The following ATP11A variants were observed in gnomAD, a reference collection of about 807,000 sequenced individuals.
The protein encoded by ATP11A is ATPase phospholipid transporting 11A.
In ATP11A, 81 loss-of-function variants were observed where a neutral mutation model predicts 154.4. The observed-to-expected ratio is 0.52, with a 90% CI of 0.44 to 0.63. The LOEUF is 0.63. Among genes scored for constraint, ATP11A ranks in the 30% least tolerant of loss-of-function variants. The probability of loss-of-function intolerance (pLI) is 0.00; values close to 1 mark genes in which losing one functional copy is unlikely to be tolerated. For missense variants in ATP11A, 1,316 were observed against 1,474.3 expected (o/e 0.89, Z 1.76); for synonymous variants, 623 against 585.9 (o/e 1.06, Z -0.91).
chr13:112,862,678 G>C (rs911669287), intron 25 of ATP11A, 103 bp downstream of exon 25: 2 of 1,494,832 alleles, frequency 1.3e-6, no homozygotes, highest in East Asian at 2.3e-5. Context: ...AGCCCATGCA[G>C]CTTCCCAGCG....
intron 1 of ATP11A, among the ~76,000 whole-genome samples, chr13:112,758,952 A>T (rs977472457): frequency 6.6e-6 from 1 of 152,252 alleles, no homozygotes; most frequent in Non-Finnish European, 1.5e-5. Flanking sequence ...TTTTTACGTT[A>T]CATTTTCAGT....
intron 1 of ATP11A, among the ~76,000 whole-genome samples, chr13:112,784,779 T>C (rs2077581736): frequency 1.3e-5 from 2 of 152,184 alleles, no homozygotes; most frequent in Non-Finnish European, 2.9e-5. Flanking sequence ...CATCTCGGCC[T>C]CCCAAAGTGC....
intron 8 of ATP11A, among the ~76,000 whole-genome samples, chr13:112,821,177 A>G (rs2078787926): frequency 6.6e-6 from 1 of 152,232 alleles, no homozygotes; most frequent in Non-Finnish European, 1.5e-5. Context: ...TACCTATGGG[A>G]TGAATCCAAA....
chr13:112,791,105 T>G (rs2077841653), intron 2 of ATP11A, among the ~76,000 whole-genome samples: 1 of 152,172 alleles, frequency 6.6e-6, no homozygotes, highest in Non-Finnish European at 1.5e-5. Context: ...CAAGCTTATA[T>G]GTACTTCACC....
chr13:112,779,895 A>C (rs992052493), intron 1 of ATP11A, among the ~76,000 whole-genome samples: 3 of 151,710 alleles, frequency 2.0e-5, no homozygotes. Context: ...TGAGAGCAAA[A>C]CTCTGTCTCA....
At position 112,852,568 on chromosome 13, in the gene ATP11A, A is replaced by G. The variant is rs572013471; in HGVS notation, c.1991+1350A>G. On this transcript the variant is annotated intron_variant, in intron 18 of 29. Coordinates refer to ENST00000375645, the MANE Select transcript of ATP11A (RefSeq NM_015205.3). ...CTGCTGGGGGCTGCGTCCTTGCTCT[A>G]GTGGCCAGTCACTCACCTGCTGTCT... Among the ~76,000 whole-genome samples, 258 of 152,268 alleles carry G rather than the reference A, an allele frequency of 1.7e-3. 2 individuals carry two copies. Among genetic ancestry groups the G allele is most frequent in the Admixed American group, 3.5e-3 (54 of 15,306 alleles).
intron 1 of ATP11A, among the ~76,000 whole-genome samples, chr13:112,732,462 G>GTCTCTCTCCAGCTCCA (rs1433690819): frequency 6.6e-6 from 1 of 151,474 alleles, no homozygotes; most frequent in African/African-American, 2.4e-5. Context: ...CTCCAGCTCT[G>GTCTCTCTCCAGCTCCA]TCTCTCTCCA....
intron 1 of ATP11A, among the ~76,000 whole-genome samples, chr13:112,720,147 A>G (rs1421422691): frequency 6.6e-6 from 1 of 152,246 alleles, no homozygotes; most frequent in East Asian, 1.9e-4. Context: ...CTGGGGAAAC[A>G]GAGTCTGAGA....
In ATP11A at chr13:112,832,881, C is replaced by T. The variant is rs776838456; in HGVS notation, c.1417C>T (p.Arg473Trp). ...ATAGGAGCGCGAGGAGCTGTTTTTCCGGGCCCTCTGTCTCTGCCACACCGT... is the reference window on the plus strand; with the variant it reads ...ATAGGAGCGCGAGGAGCTGTTTTTCTGGGCCCTCTGTCTCTGCCACACCGT... ...NGREREELFFRALCLCHTVQV... is the reference protein window; with the variant it reads ...NGREREELFFWALCLCHTVQV... The change falls in exon 14 of 30, where the codon CGG becomes TGG. Residue 473 changes from arginine (R) to tryptophan (W), a missense_variant. Physicochemically the swap from Arg to Trp is moderately radical, Grantham distance 101. Transcript: ENST00000375645. The T allele has an allele frequency of 1.9e-5, 31 of 1,613,348 alleles. No individual in the cohort carries two copies. Among genetic ancestry groups the T allele is most frequent in the Non-Finnish European group, 2.5e-5 (29 of 1,179,586 alleles).
Position 112,690,472 on chromosome 13 carries a change from C to T in ATP11A, c.39+17C>T. 1 of 1,341,070 alleles carries T rather than the reference C, an allele frequency of 7.5e-7. No individual in the cohort carries two copies. The highest frequency in any genetic ancestry group is 9.6e-7 in the Non-Finnish European group (1 of 1,043,678). The allele number at this position is 1,341,070 out of a possible 1,614,324, so 83.1% of individuals were successfully genotyped here. On this transcript the variant is annotated intron_variant, in intron 1 of 29. Transcript: ENST00000375645. This position sits in a 1 kb window ranked among gnomAD's most constrained non-coding sequence, Gnocchi z 5.6. ...CACAGATACGTGAGTGCTCCCGGCG[C>T]GGGCTGGGGGACCCGGGGACCAGAC... is the stretch of plus-strand genomic sequence containing the variant.
Position 112,836,221 on chromosome 13 carries a change from A to G in ATP11A, c.1675A>G (p.Arg559Gly). 1 of 1,612,126 alleles carries G rather than the reference A, an allele frequency of 6.2e-7. No individual in the cohort carries two copies. The highest frequency in any genetic ancestry group is 8.5e-7 in the Non-Finnish European group (1 of 1,178,762). Residue 559 changes from arginine (R) to glycine (G), a missense_variant, in exon 16 of 30, where the codon AGA becomes GGA. By Grantham distance (125) the Arg-to-Gly change is moderately radical (BLOSUM62 -2). Transcript: ENST00000375645. ...TTTGAGTTTTGACTCAGTCAGAAGGAGAATGAGTGTAATTGTAAAATCTGC... is the reference window on the plus strand; with the variant it reads ...TTTGAGTTTTGACTCAGTCAGAAGGGGAATGAGTGTAATTGTAAAATCTGC... Reference protein sequence around the residue: ...EILSFDSVRRRMSVIVKSATG... With the variant: ...EILSFDSVRRGMSVIVKSATG...
intron 15 of ATP11A, among the ~76,000 whole-genome samples, chr13:112,835,478 G>A (rs1400842653): frequency 6.6e-6 from 1 of 152,218 alleles, no homozygotes. Context: ...AGCACCCTGG[G>A]CTTCCCGGGG....
chr13:112,709,150 A>G (rs1488910307), intron 1 of ATP11A, among the ~76,000 whole-genome samples: 1 of 152,148 alleles, frequency 6.6e-6, no homozygotes, highest in African/African-American at 2.4e-5. Flanking sequence ...CTTCAGGACT[A>G]AGCTCTGATT....
intron 14 of ATP11A, among the ~76,000 whole-genome samples, chr13:112,833,714 C>A (rs1017534081): frequency 6.6e-6 from 1 of 152,178 alleles, no homozygotes; most frequent in Admixed American, 6.5e-5. Context: ...AGCACAGATA[C>A]GTCAACAGTA....
chr13:112,779,101 G>T (rs2077427745), intron 1 of ATP11A, among the ~76,000 whole-genome samples: 1 of 127,112 alleles, frequency 7.9e-6, no homozygotes, highest in African/African-American at 3.0e-5. Context: ...AGTAGCCACT[G>T]GAGTGAGTAG....
At chr13:112,845,312 C>G (rs1418936117) in intron 17 of ATP11A, among the ~76,000 whole-genome samples, 1 of 120,908 alleles carries the variant, frequency 8.3e-6, no homozygotes, top group Non-Finnish European at 1.6e-5. Flanking sequence ...TGGTTCTAAC[C>G]AGTCCAGTTG....
chr13:112,762,885 G>A (rs378694), intron 1 of ATP11A, among the ~76,000 whole-genome samples: 21,657 of 152,274 alleles, frequency 0.14, 1,656 homozygotes, highest in African/African-American at 0.19. Context: ...CTTCCTCGCC[G>A]TGCGCGGCTC....
At chr13:112,783,308 G>A (rs887952839) in intron 1 of ATP11A, among the ~76,000 whole-genome samples, 3 of 152,152 alleles carry the variant, frequency 2.0e-5, no homozygotes, top group Non-Finnish European at 4.4e-5. Flanking sequence ...TTTAAAAAAC[G>A]AGAGTTCCCT....
At chr13:112,865,977 C>T (rs751649955) in intron 25 of ATP11A, among the ~76,000 whole-genome samples, 8 of 152,344 alleles carry the variant, frequency 5.3e-5, no homozygotes, top group African/African-American at 9.6e-5. Context: ...ACGTTGAGCC[C>T]GTGTTAGATT....
Sources: gnomAD v4.1 joint callset for allele counts (sites outside exome capture counted in the v4.1 genomes callset) on GRCh38, gnomAD v4.1.1 for gene constraint, Gnocchi (gnomAD v3.1) non-coding constraint, MANE v1.5 for transcripts, NCBI Gene and HGNC (gene_info 2026-07-23, HGNC 2026-07-21) for gene names.